Variants in URM1 observed in about 807,000 individuals in gnomAD.
URM1 encodes the protein ubiquitin related modifier 1, also known as ubiquitin-related modifier 1.
In URM1, 11 loss-of-function variants were observed where a neutral mutation model predicts 17.7. That is an observed-to-expected ratio of 0.62 (90% CI 0.39 to 1.03). URM1 has a LOEUF of 1.03. Ranked by LOEUF, URM1 falls within the 50% of genes least tolerant of loss-of-function variation. URM1 has a pLI of 0.00. For missense variants in URM1, 128 were observed against 129.2 expected, an observed-to-expected ratio of 0.99 and a Z score of 0.04; for synonymous variants, 48 against 50.6, an observed-to-expected ratio of 0.95 and a Z score of 0.22.
In URM1 at chr9:128,387,953, G is replaced by GC. The variant is rs1833250106; in HGVS notation, c.188+61dup. ...GGTGGAGGGAGGGACGGATATTTGA[G>GC]CCCCCACCCTCGGGTTCAGTCCTGG... On this transcript the variant is annotated intron_variant, in intron 3 of 4. Transcript: ENST00000372853. This position sits in a 1 kb window ranked among gnomAD's most constrained non-coding sequence, Gnocchi z 4.3. The GC allele has an allele frequency of 6.2e-7, 1 of 1,610,100 alleles. No homozygotes were observed. Among genetic ancestry groups the GC allele is most frequent in the African/African-American group, 1.3e-5 (1 of 74,966 alleles).
chr9:128,377,374 A>G (rs1833091448), intron 1 of URM1, among the ~76,000 whole-genome samples: 2 of 152,166 alleles, frequency 1.3e-5, no homozygotes, highest in Non-Finnish European at 2.9e-5. Context: ...AAAAAATTTA[A>G]AGATTAACCT....
chr9:128,388,964 C>G, intron 3 of URM1: 1 of 1,233,984 alleles, frequency 8.1e-7, no homozygotes, highest in East Asian at 3.5e-5. Context: ...TATCACTTAT[C>G]CCATTTTCAG....
chr9:128,391,798 G>T lies in URM1; in HGVS notation c.*2064G>T, dbSNP rs1833319779. 1 of 152,206 alleles carries T rather than the reference G, an allele frequency of 6.6e-6. No individual in the cohort carries two copies. Among genetic ancestry groups the T allele is most frequent in the Non-Finnish European group, 1.5e-5 (1 of 68,052 alleles). 9.4% of individuals were successfully genotyped at this position (152,206 alleles called of 1,614,324 possible). ...GCAGGAGGAGGTGCTGGGAAAACCG[G>T]GTTTCTTGGCACATGGGGGTGCAAG... On this transcript the variant is annotated 3_prime_UTR_variant, in exon 5 of 5. Coordinates refer to ENST00000372853, the MANE Select transcript of URM1 (RefSeq NM_030914.4).
rs1452901665 is a variant in URM1 at position 128,391,306 on chromosome 9, T to A, written c.*1572T>A. 2 of 152,326 alleles carry A rather than the reference T, an allele frequency of 1.3e-5. No homozygotes were observed. The highest frequency in any genetic ancestry group is 2.9e-5 in the Non-Finnish European group (2 of 68,124). 9.4% of individuals were successfully genotyped at this position (152,326 alleles called of 1,614,324 possible). ...ATCATTCTTTTGGGGGTAGATGACC[T>A]GCTGGCTGGTGGGCTTTTCTCCAGG... On this transcript the variant is annotated 3_prime_UTR_variant, in exon 5 of 5. Coordinates refer to ENST00000372853, the MANE Select transcript of URM1 (RefSeq NM_030914.4).
In URM1 at chr9:128,389,924, G is replaced by A. The variant is rs766601555; in HGVS notation, c.*190G>A. On this transcript the variant is annotated 3_prime_UTR_variant, in exon 5 of 5. Coordinates refer to ENST00000372853, the MANE Select transcript of URM1 (RefSeq NM_030914.4). Reference sequence around the variant, plus strand: ...AGCCTTTCTCAAGCACGTGAGCAGCGGAAGGCAGACAGGCGCCAGAGCCCA... The same window carrying A: ...AGCCTTTCTCAAGCACGTGAGCAGCAGAAGGCAGACAGGCGCCAGAGCCCA... 1.5e-5 allele frequency: 11 copies of A among 727,392 alleles called. No homozygotes were observed. Among genetic ancestry groups the A allele is most frequent in the Non-Finnish European group, 2.0e-5 (9 of 456,846 alleles). The allele number at this position is 727,392 out of a possible 1,614,324, so 45.1% of individuals were successfully genotyped here. A position where few individuals can be genotyped will look rare whatever the true frequency, so the allele number is the denominator to read the frequency against.
rs532160545 is a variant in URM1, at chr9:128,389,371, G to T, written c.237+62G>T. The T allele has an allele frequency of 5.6e-6, 9 of 1,613,678 alleles. No homozygotes were observed. Among genetic ancestry groups the T allele is most frequent in the Non-Finnish European group, 7.6e-6 (9 of 1,179,952 alleles). On this transcript the variant is annotated intron_variant, in intron 4 of 4. Transcript: ENST00000372853. Reference sequence around the variant, plus strand: ...GCCCTTGCTGCTTCAGTGGGAAAGCGTTGGGCCTCTCCTCAGGCACATATA... The same window carrying T: ...GCCCTTGCTGCTTCAGTGGGAAAGCTTTGGGCCTCTCCTCAGGCACATATA...
rs1165819183 is a variant in URM1 at position 128,389,607 on chromosome 9, TG to T, written c.238-55del. 8.7e-6 allele frequency: 14 copies of T among 1,609,088 alleles called. No individual in the cohort carries two copies. In the African/African-American group the frequency reaches 1.7e-4, roughly 20 times the overall value. The stretch of plus-strand genomic sequence containing the variant: ...CCTCAGCCCCTGTTCTCCCAACTCC[TG>T]GGGTGGACCTGGGAAGGTGGCCCTG... On this transcript the variant is annotated intron_variant, in intron 4 of 4. Coordinates refer to ENST00000372853, the MANE Select transcript of URM1 (RefSeq NM_030914.4).
intron 1 of URM1, among the ~76,000 whole-genome samples, chr9:128,372,649 C>G (rs1833028400): frequency 6.6e-6 from 1 of 152,170 alleles, no homozygotes; most frequent in Non-Finnish European, 1.5e-5. Flanking sequence ...TTGGTCTGGA[C>G]TCCTCACTGT....
At position 128,391,522 on chromosome 9, in the gene URM1, C is replaced by T. The variant is rs1305193768; in HGVS notation, c.*1788C>T. The T allele has an allele frequency of 1.3e-5, 2 of 152,222 alleles. No homozygotes were observed. The highest frequency in any genetic ancestry group is 1.5e-5 in the Non-Finnish European group (1 of 68,060). The allele number at this position is 152,222 out of a possible 1,614,324, so 9.4% of individuals were successfully genotyped here. ...CCATGTTAGGGAACAGAGCAAGAGACTTGGAACAGCTCCCTACAGCTGCAC... is the reference window on the plus strand; with the variant it reads ...CCATGTTAGGGAACAGAGCAAGAGATTTGGAACAGCTCCCTACAGCTGCAC... On this transcript the variant is annotated 3_prime_UTR_variant, in exon 5 of 5. Transcript: ENST00000372853.
At chr9:128,379,375 AG>A (rs1833127141) in intron 2 of URM1, among the ~76,000 whole-genome samples, 1 of 151,976 alleles carries the variant, frequency 6.6e-6, no homozygotes, top group South Asian at 2.1e-4. Context: ...GCTACTTGGG[AG>A]GCTGAAGCAG....
intron 1 of URM1, among the ~76,000 whole-genome samples, chr9:128,375,961 G>C (rs73614134): frequency 6.6e-6 from 1 of 152,104 alleles, no homozygotes; most frequent in Non-Finnish European, 1.5e-5. Flanking sequence ...CATCGGGGCC[G>C]GCAGCTCCAA....
chr9:128,387,468 G>A lies in URM1; in HGVS notation c.107-348G>A, dbSNP rs186994897. Among the ~76,000 whole-genome samples the A allele has an allele frequency of 7.4e-4, 113 of 152,336 alleles. 1 individual carries two copies. The East Asian group carries it at 0.017, about 23-fold the overall frequency. On this transcript the variant is annotated intron_variant, in intron 2 of 4. Transcript: ENST00000372853. The surrounding 1 kb of genome is among the most constrained non-coding windows in gnomAD (Gnocchi z 4.3). ...AGTCCAGCCATGGCAGTTGGAGACT[G>A]GCTTCCAGGACTTGTGGGTAGGGGC...
At chr9:128,388,929 C>T (rs768002328) in intron 3 of URM1, 36 of 1,117,412 alleles carry the variant, frequency 3.2e-5, no homozygotes, top group South Asian at 1.1e-4. Flanking sequence ...ATTTCGTTTT[C>T]GTATAGGCCT....
At position 128,378,658 on chromosome 9, in the gene URM1, C is replaced by T. The variant is rs377729961; in HGVS notation, c.106+552C>T. On this transcript the variant is annotated intron_variant, in intron 2 of 4. Transcript: ENST00000372853. ...TGATCACTGTGGAGACAGACATGAACAAAAGCCAGTCCCAGGCCAGGTGTG... is the reference window on the plus strand; with the variant it reads ...TGATCACTGTGGAGACAGACATGAATAAAAGCCAGTCCCAGGCCAGGTGTG... Among the ~76,000 whole-genome samples the T allele has an allele frequency of 6.2e-5, 9 of 145,598 alleles. No individual in the cohort carries two copies. The East Asian group carries it at 8.5e-4, about 14-fold the overall frequency.
rs77057304 is a variant in URM1, at chr9:128,373,908, A to G, written c.35+2493A>G. Among the ~76,000 whole-genome samples the G allele has an allele frequency of 4.6e-5, 7 of 152,354 alleles. No homozygotes were observed. In the East Asian group the frequency reaches 1.3e-3, roughly 29 times the overall value. ...GAGGAAGTAAATAAACAAAATATAT[A>G]TATACGTGTATATGTATGTGTATAT... On this transcript the variant is annotated intron_variant, in intron 1 of 4. Coordinates refer to ENST00000372853, the MANE Select transcript of URM1 (RefSeq NM_030914.4).
At chr9:128,378,760 A>C (rs911710478) in intron 2 of URM1, among the ~76,000 whole-genome samples, 15 of 151,004 alleles carry the variant, frequency 9.9e-5, no homozygotes, top group Admixed American at 2.0e-4. Flanking sequence ...TTCTAGACCA[A>C]CATGGCGAAA....
At chr9:128,385,814 G>A (rs540566623) in intron 2 of URM1, among the ~76,000 whole-genome samples, 48 of 151,918 alleles carry the variant, frequency 3.2e-4, no homozygotes, top group African/African-American at 1.2e-3. Context: ...GGAACAATAC[G>A]AGTGGCGATG....
At chr9:128,389,585 C>T (rs1033616634) in intron 4 of URM1, 81 bp from the exon 5 acceptor site, 2 of 1,595,078 alleles carry the variant, frequency 1.3e-6, no homozygotes, top group Admixed American at 1.7e-5. Flanking sequence ...AGCCAGTCCT[C>T]AGCCCCTGTT....
chr9:128,383,049 A>T (rs1015313332), intron 2 of URM1, among the ~76,000 whole-genome samples: 1 of 151,936 alleles, frequency 6.6e-6, no homozygotes, highest in African/African-American at 2.4e-5. Context: ...CTGGTGAGGG[A>T]GGGCAGGAGC....
Sources: allele counts gnomAD v4.1 joint callset (sites outside exome capture counted in the v4.1 genomes callset), GRCh38; gene constraint gnomAD v4.1.1; non-coding constraint Gnocchi (gnomAD v3.1); transcripts MANE v1.5; gene names NCBI Gene and HGNC (gene_info 2026-07-23, HGNC 2026-07-21).